Variants in TOP1 observed in about 807,000 individuals in gnomAD.
TOP1 encodes the protein DNA topoisomerase 1.
A neutral mutation model predicts 111.1 loss-of-function variants in TOP1; 10 were observed. The observed-to-expected ratio is 0.09, with a 90% CI of 0.06 to 0.15. The LOEUF (loss-of-function observed/expected upper bound fraction) is 0.15. Among genes scored for constraint, TOP1 ranks in the 10% least tolerant of loss-of-function variants. TOP1 has a pLI of 1.00. For synonymous variants in TOP1, 271 were observed against 302.9 expected (o/e 0.89, Z 1.10); for missense variants, 474 against 926.7 (o/e 0.51, Z 6.34).
chr20:41,115,412 C>T lies in TOP1; in HGVS notation c.1680C>T (p.Pro560=), dbSNP rs769989372. 1.1e-5 allele frequency: 18 copies of T among 1,611,868 alleles called. No homozygotes were observed. The highest frequency in any genetic ancestry group is 2.2e-5 in the East Asian group (1 of 44,850). Residue 560 remains proline, a synonymous_variant, in exon 16 of 21, where the codon CCC becomes CCT. Coordinates refer to ENST00000361337, the MANE Select transcript of TOP1 (RefSeq NM_003286.4). This position sits in a 1 kb window ranked among gnomAD's most constrained non-coding sequence, Gnocchi z 6.3. ...NLQLFMENKQ[P]EDDLFDRLNT... Reference sequence around the variant, plus strand: ...AACTATTTATGGAGAACAAGCAGCCCGAGGATGATCTTTTTGATAGACTCA... The same window carrying T: ...AACTATTTATGGAGAACAAGCAGCCTGAGGATGATCTTTTTGATAGACTCA...
At chr20:41,041,906 G>GATGATT (rs567821136) in intron 2 of TOP1, among the ~76,000 whole-genome samples, 30 of 149,434 alleles carry the variant, frequency 2.0e-4, no homozygotes, top group African/African-American at 5.4e-4. Flanking sequence ...TGATGATGAT[G>GATGATT]ATTATTATTA....
chr20:41,061,657 A>G lies in TOP1; in HGVS notation c.155+167A>G, dbSNP rs2033546701. Among the ~76,000 whole-genome samples the G allele has an allele frequency of 6.6e-6, 1 of 152,196 alleles. No individual in the cohort carries two copies. Among genetic ancestry groups the G allele is most frequent in the Non-Finnish European group, 1.5e-5 (1 of 68,024 alleles). On this transcript the variant is annotated intron_variant, in intron 3 of 20. Transcript: ENST00000361337. The surrounding 1 kb of genome is among the most constrained non-coding windows in gnomAD (Gnocchi z 4.6). Reference sequence around the variant, plus strand: ...GAGGATGGCCATGATTTAGGCCTTAAATGGGATGCCATTGTTCAGATCAAG... The same window carrying G: ...GAGGATGGCCATGATTTAGGCCTTAGATGGGATGCCATTGTTCAGATCAAG...
At chr20:41,050,889 G>C (rs2033397257) in intron 2 of TOP1, among the ~76,000 whole-genome samples, 1 of 147,838 alleles carries the variant, frequency 6.8e-6, no homozygotes, top group Non-Finnish European at 1.5e-5. Flanking sequence ...GAGTGTTAAA[G>C]AGAATGTTGA....
At chr20:41,076,802 A>G (rs2033732532) in intron 4 of TOP1, among the ~76,000 whole-genome samples, 1 of 152,170 alleles carries the variant, frequency 6.6e-6, no homozygotes, top group African/African-American at 2.4e-5. Context: ...GTAAATTCAG[A>G]TACTATGAAA....
At position 41,028,875 on chromosome 20, in the gene TOP1, C is replaced by T. The variant is rs948754012; in HGVS notation, c.-193C>T. ...TGCTGGGGTCTGTTCTCGCCGCCCG[C>T]CCGGCAGTCAGGCAGCGTCGCCGCC... On this transcript the variant is annotated 5_prime_UTR_variant, in exon 1 of 21. Transcript: ENST00000361337. 15 of 561,562 alleles carry T rather than the reference C, an allele frequency of 2.7e-5. No homozygotes were observed. The East Asian group carries it at 5.1e-4, about 19-fold the overall frequency. The allele number at this position is 561,562 out of a possible 1,614,324, so 34.8% of individuals were successfully genotyped here.
At chr20:41,117,670 C>T (rs1254553605) in intron 17 of TOP1, among the ~76,000 whole-genome samples, 5 of 152,048 alleles carry the variant, frequency 3.3e-5, no homozygotes, top group Non-Finnish European at 7.4e-5. Flanking sequence ...CAGGTGTGAG[C>T]CACCGCGCCC....
At position 41,102,484 on chromosome 20, in the gene TOP1, C is replaced by A. The variant is rs1020213461; in HGVS notation, c.1308+1131C>A. The stretch of plus-strand genomic sequence containing the variant: ...AATTAGCCAGGCGTGGTAGTGGGTG[C>A]CTGTAATCCCATCTACTTGGGAGGC... On this transcript the variant is annotated intron_variant, in intron 13 of 20. Coordinates refer to ENST00000361337, the MANE Select transcript of TOP1 (RefSeq NM_003286.4). The surrounding 1 kb of genome is among the most constrained non-coding windows in gnomAD (Gnocchi z 4.0). 6.6e-6 allele frequency among the ~76,000 whole-genome samples: 1 copy of A among 152,096 alleles called. No individual in the cohort carries two copies. Among genetic ancestry groups the A allele is most frequent in the Admixed American group, 6.6e-5 (1 of 15,258 alleles).
rs1395379786 is a variant in TOP1 at position 41,046,831 on chromosome 20, C to CA, written c.59-14560dup. On this transcript the variant is annotated intron_variant, in intron 2 of 20. Coordinates refer to ENST00000361337, the MANE Select transcript of TOP1 (RefSeq NM_003286.4). The surrounding 1 kb of genome is among the most constrained non-coding windows in gnomAD (Gnocchi z 4.3). ...TTCCCACTTCAAGGGGAATAAATAA[C>CA]AAATTTAACCAGCTTGCTGCTTAAG... Among the ~76,000 whole-genome samples, 1 of 152,160 alleles carries CA rather than the reference C, an allele frequency of 6.6e-6. No homozygotes were observed. Among genetic ancestry groups the CA allele is most frequent in the Non-Finnish European group, 1.5e-5 (1 of 68,020 alleles).
chr20:41,048,222 G>A (rs973726098), intron 2 of TOP1, among the ~76,000 whole-genome samples: 3 of 152,076 alleles, frequency 2.0e-5, no homozygotes, highest in African/African-American at 4.8e-5. Context: ...TAGGTGGCTC[G>A]TATTTGCTAT....
intron 13 of TOP1, among the ~76,000 whole-genome samples, chr20:41,103,170 G>GT (rs1214850767): frequency 6.6e-6 from 1 of 152,150 alleles, no homozygotes; most frequent in East Asian, 1.9e-4. Context: ...AAATAACAGA[G>GT]TTACTATTAA....
chr20:41,044,465 G>C (rs2033308643), intron 2 of TOP1, among the ~76,000 whole-genome samples: 1 of 152,200 alleles, frequency 6.6e-6, no homozygotes, highest in African/African-American at 2.4e-5. Flanking sequence ...TTTGTCTTAT[G>C]CTTCGGCAGA....
chr20:41,098,033 T>C lies in TOP1; in HGVS notation c.853-182T>C, dbSNP rs942380533. Among the ~76,000 whole-genome samples the C allele has an allele frequency of 6.6e-6, 1 of 152,234 alleles. No homozygotes were observed. Among genetic ancestry groups the C allele is most frequent in the Non-Finnish European group, 1.5e-5 (1 of 68,048 alleles). ...ACATTTTAATATTAGTAAGTACATA[T>C]TTTATAATAAAGTAATACAACTGTA... On this transcript the variant is annotated intron_variant, in intron 10 of 20. Coordinates refer to ENST00000361337, the MANE Select transcript of TOP1 (RefSeq NM_003286.4). The surrounding 1 kb of genome is among the most constrained non-coding windows in gnomAD (Gnocchi z 5.7).
chr20:41,063,125 T>C (rs1277064983), intron 3 of TOP1, among the ~76,000 whole-genome samples: 2 of 152,184 alleles, frequency 1.3e-5, no homozygotes, highest in African/African-American at 2.4e-5. Flanking sequence ...GTGTCTATTA[T>C]TGCCATCTTT....
rs140822387 is a variant in TOP1, at chr20:41,028,877, C to T, written c.-191C>T. On this transcript the variant is annotated 5_prime_UTR_variant, in exon 1 of 21. Transcript: ENST00000361337. ...CTGGGGTCTGTTCTCGCCGCCCGCC[C>T]GGCAGTCAGGCAGCGTCGCCGCCGT... 6 of 562,016 alleles carry T rather than the reference C, an allele frequency of 1.1e-5. No individual in the cohort carries two copies. The highest frequency in any genetic ancestry group is 1.3e-5 in the Non-Finnish European group (4 of 319,758). The allele number at this position is 562,016 out of a possible 1,614,324, so 34.8% of individuals were successfully genotyped here.
chr20:41,113,439 A>G (rs1417236763), intron 14 of TOP1, among the ~76,000 whole-genome samples: 2 of 152,102 alleles, frequency 1.3e-5, no homozygotes, highest in Non-Finnish European at 2.9e-5. Flanking sequence ...GAAAAGGAGC[A>G]TGAATATTTA....
intron 3 of TOP1, among the ~76,000 whole-genome samples, chr20:41,066,179 A>ATC (rs1361918214): frequency 9.2e-5 from 14 of 152,304 alleles, no homozygotes; most frequent in African/African-American, 3.4e-4. Flanking sequence ...GGGAGGAAAG[A>ATC]TACAGTAAAA....
chr20:41,040,255 G>T (rs1016424433), intron 2 of TOP1, among the ~76,000 whole-genome samples: 11 of 152,174 alleles, frequency 7.2e-5, no homozygotes, highest in South Asian at 2.1e-4. Flanking sequence ...AGTACATAGT[G>T]GTATTACTTA....
chr20:41,054,632 C>G (rs1263924693), intron 2 of TOP1, among the ~76,000 whole-genome samples: 1 of 152,190 alleles, frequency 6.6e-6, no homozygotes, highest in African/African-American at 2.4e-5. Context: ...CGTATTAGTG[C>G]CCTTTTCTCT....
chr20:41,068,001 A>G (rs147837445), intron 3 of TOP1, among the ~76,000 whole-genome samples: 65 of 152,344 alleles, frequency 4.3e-4, no homozygotes, highest in African/African-American at 1.4e-3. Flanking sequence ...GGTAGCAGAA[A>G]GAAGAGGATG....
Sources: allele counts gnomAD v4.1 joint callset (sites outside exome capture counted in the v4.1 genomes callset), GRCh38; gene constraint gnomAD v4.1.1; non-coding constraint Gnocchi (gnomAD v3.1); transcripts MANE v1.5; gene names NCBI Gene and HGNC (gene_info 2026-07-23, HGNC 2026-07-21).